The following FBXL17 variants were observed in gnomAD, a reference collection of about 807,000 sequenced individuals.
FBXL17 encodes F-box and leucine rich repeat protein 17, also known as F-box/LRR-repeat protein 17.
FBXL17 carries 22 observed loss-of-function variants against 66.2 expected under a neutral mutation model. The observed-to-expected ratio is 0.33, with a 90% CI of 0.24 to 0.47. FBXL17 has a LOEUF of 0.47. FBXL17 is among the 20% of genes least tolerant of loss of function. FBXL17 has a pLI of 1.00. For synonymous variants in FBXL17, 474 were observed against 400.5 expected (o/e 1.18, Z -2.19); for missense variants, 878 against 948.2 (o/e 0.93, Z 0.97).
intron 7 of FBXL17, among the ~76,000 whole-genome samples, chr5:107,926,227 T>C (rs1448052748): frequency 6.6e-6 from 1 of 152,172 alleles, no homozygotes; most frequent in African/African-American, 2.4e-5. Flanking sequence ...GGTAAGTAAC[T>C]TGCTGATGGT....
chr5:107,982,059 A>G (rs1399000339), intron 7 of FBXL17, among the ~76,000 whole-genome samples: 1 of 152,230 alleles, frequency 6.6e-6, no homozygotes, highest in African/African-American at 2.4e-5. Context: ...CTAACTATGA[A>G]TATAATGATA....
chr5:108,145,650 T>C lies in FBXL17; in HGVS notation c.1745+40467A>G, dbSNP rs528692733. On this transcript the variant is annotated intron_variant, in intron 6 of 8. Transcript: ENST00000542267. ...GTCCCAGTTCTACAAATAAAGAAAA[T>C]GACTTATCAGATAGTGAGAATTATT... is the stretch of plus-strand genomic sequence containing the variant. 9.2e-5 allele frequency among the ~76,000 whole-genome samples: 14 copies of C among 152,092 alleles called. No individual in the cohort carries two copies. The South Asian group carries it at 2.9e-3, about 32-fold the overall frequency.
chr5:107,963,674 T>G (rs12514858), intron 7 of FBXL17, among the ~76,000 whole-genome samples: 61,624 of 151,942 alleles, frequency 0.41, 12,698 homozygotes, highest in South Asian at 0.51. Flanking sequence ...AGTATAAATT[T>G]CATACACAGT....
chr5:108,027,509 T>C (rs1473034266), intron 6 of FBXL17, among the ~76,000 whole-genome samples: 2 of 139,482 alleles, frequency 1.4e-5, no homozygotes, highest in Non-Finnish European at 2.9e-5. Flanking sequence ...CTTTATTTAT[T>C]AATTAATTCA....
intron 1 of FBXL17, among the ~76,000 whole-genome samples, chr5:108,372,206 CAAG>C (rs1184336296): frequency 1.3e-5 from 2 of 152,054 alleles, no homozygotes; most frequent in African/African-American, 2.4e-5. Flanking sequence ...TGAACCTCTA[CAAG>C]AAGAAAGAAT....
At chr5:107,940,833 G>C (rs746986262) in intron 7 of FBXL17, among the ~76,000 whole-genome samples, 10 of 152,130 alleles carry the variant, frequency 6.6e-5, no homozygotes, top group Non-Finnish European at 1.3e-4. Context: ...GGAGAACTTT[G>C]AAAGAAATAC....
intron 7 of FBXL17, among the ~76,000 whole-genome samples, chr5:107,924,466 C>T (rs997404066): frequency 6.6e-6 from 1 of 152,064 alleles, no homozygotes; most frequent in East Asian, 1.9e-4. Context: ...AATTAATCAT[C>T]ATTAATGAAG....
intron 6 of FBXL17, among the ~76,000 whole-genome samples, chr5:108,028,701 G>A (rs57406190): frequency 0.012 from 1,838 of 152,204 alleles, 36 homozygotes; most frequent in African/African-American, 0.041. Flanking sequence ...AGGCAACTCA[G>A]ACAAGATGCT....
At chr5:108,329,320 G>A (rs1417106631) in intron 4 of FBXL17, among the ~76,000 whole-genome samples, 1 of 152,234 alleles carries the variant, frequency 6.6e-6, no homozygotes, top group East Asian at 1.9e-4. Context: ...TTTCTTAGAT[G>A]TCAAAGCAAA....
intron 6 of FBXL17, among the ~76,000 whole-genome samples, chr5:108,088,479 A>G (rs1328924248): frequency 6.6e-6 from 1 of 151,654 alleles, no homozygotes; most frequent in Non-Finnish European, 1.5e-5. Context: ...AGTCGGGGGG[A>G]ACATGAGGTC....
chr5:107,950,019 T>C (rs1187335286), intron 7 of FBXL17, among the ~76,000 whole-genome samples: 1 of 152,174 alleles, frequency 6.6e-6, no homozygotes, highest in Non-Finnish European at 1.5e-5. Flanking sequence ...TGCTGTCCCA[T>C]ATGCCTTTAA....
chr5:108,086,166 T>C (rs1159820247), intron 6 of FBXL17, among the ~76,000 whole-genome samples: 1 of 151,226 alleles, frequency 6.6e-6, no homozygotes, highest in Non-Finnish European at 1.5e-5. Flanking sequence ...TCCAGAGAAG[T>C]CCTGCCCCAT....
At chr5:107,959,137 C>T (rs1240327673) in intron 7 of FBXL17, among the ~76,000 whole-genome samples, 2 of 152,052 alleles carry the variant, frequency 1.3e-5, no homozygotes. Flanking sequence ...TGGAATTGTT[C>T]TCCTCATAGG....
intron 6 of FBXL17, among the ~76,000 whole-genome samples, chr5:108,168,004 G>C (rs1335578429): frequency 1.3e-5 from 2 of 152,158 alleles, no homozygotes; most frequent in Non-Finnish European, 2.9e-5. Context: ...GGGGAAAGGA[G>C]GAATGAGGAG....
At chr5:107,963,430 A>G (rs1272596654) in intron 7 of FBXL17, among the ~76,000 whole-genome samples, 2 of 152,186 alleles carry the variant, frequency 1.3e-5, no homozygotes, top group Non-Finnish European at 2.9e-5. Context: ...AAGACTAAAC[A>G]TGAGGGAAGG....
At chr5:108,115,978 T>G (rs1750232576) in intron 6 of FBXL17, among the ~76,000 whole-genome samples, 1 of 152,234 alleles carries the variant, frequency 6.6e-6, no homozygotes, top group Admixed American at 6.5e-5. Flanking sequence ...CTGTTTTTGT[T>G]TGTTTTTAAG....
chr5:108,172,275 G>A (rs145935751), intron 6 of FBXL17, among the ~76,000 whole-genome samples: 3 of 152,214 alleles, frequency 2.0e-5, no homozygotes, highest in Admixed American at 2.0e-4. Context: ...AAGTTGCAAG[G>A]CTTCTTGAAG....
At chr5:108,005,093 C>CTTTTTTTTTTT (rs35383958) in intron 7 of FBXL17, among the ~76,000 whole-genome samples, 6 of 143,756 alleles carry the variant, frequency 4.2e-5, no homozygotes, top group Non-Finnish European at 6.1e-5. Context: ...TTTTCAATGA[C>CTTTTTTTTTTT]TTTTTTTTTT....
intron 7 of FBXL17, among the ~76,000 whole-genome samples, chr5:107,983,343 C>T (rs1752895033): frequency 6.6e-6 from 1 of 152,064 alleles, no homozygotes; most frequent in Admixed American, 6.5e-5. Flanking sequence ...AGGCACGCGC[C>T]ACTATGCCCA....
Sources: allele counts gnomAD v4.1 joint callset (sites outside exome capture counted in the v4.1 genomes callset), GRCh38; gene constraint gnomAD v4.1.1; transcripts MANE v1.5; gene names NCBI Gene and HGNC (gene_info 2026-07-23, HGNC 2026-07-21).